Variants in PPP6R3 observed in about 807,000 individuals in gnomAD.
The protein encoded by PPP6R3 is protein phosphatase 6 regulatory subunit 3.
PPP6R3 carries 38 observed loss-of-function variants against 110.7 expected under a neutral mutation model. The observed-to-expected ratio is 0.34, with a 90% CI of 0.26 to 0.45. The LOEUF (loss-of-function observed/expected upper bound fraction) is 0.45, where lower values mean the gene tolerates loss of function less well. Among genes scored for constraint, PPP6R3 ranks in the 20% least tolerant of loss-of-function variants. The pLI, the probability that PPP6R3 is intolerant of heterozygous loss-of-function variation, is 1.00. For missense variants in PPP6R3, 870 were observed against 1,062.4 expected (o/e 0.82, Z 2.52); for synonymous variants, 369 against 373.5 (o/e 0.99, Z 0.14).
chr11:68,608,807 TA>T lies in PPP6R3; in HGVS notation c.2451-1096del, dbSNP rs1941805009. 2.0e-5 allele frequency among the ~76,000 whole-genome samples: 3 copies of T among 152,186 alleles called. No individual in the cohort carries two copies. The South Asian group carries it at 6.2e-4, about 31-fold the overall frequency. ...TAGCGACTCAGAATACACATTGTGT[TA>T]TGACTATTTTTTAAAGAATTAGAAT... On this transcript the variant is annotated intron_variant, in intron 22 of 23. Coordinates refer to ENST00000393800, the MANE Select transcript of PPP6R3 (RefSeq NM_001164161.2).
At chr11:68,475,784 G>A (rs1254816638) in intron 1 of PPP6R3, among the ~76,000 whole-genome samples, 7 of 151,834 alleles carry the variant, frequency 4.6e-5, no homozygotes, top group South Asian at 4.2e-4. Flanking sequence ...CTTCTCAGAC[G>A]GGGTGGCTGC....
At chr11:68,568,212 G>C (rs1293120551) in intron 10 of PPP6R3, among the ~76,000 whole-genome samples, 3 of 152,192 alleles carry the variant, frequency 2.0e-5, no homozygotes, top group African/African-American at 7.2e-5. Context: ...AGCTAGCATG[G>C]TCATTGCCTT....
chr11:68,470,234 G>T (rs1162692230), intron 1 of PPP6R3, among the ~76,000 whole-genome samples: 1 of 152,218 alleles, frequency 6.6e-6, no homozygotes, highest in African/African-American at 2.4e-5. Context: ...CAGGAGAGGT[G>T]GGGTGTGGGG....
chr11:68,518,881 T>TA (rs1446260078), intron 1 of PPP6R3, among the ~76,000 whole-genome samples: 2 of 152,230 alleles, frequency 1.3e-5, no homozygotes. Flanking sequence ...CTTCACTACT[T>TA]AGAGGAATTC....
chr11:68,606,442 A>G (rs1939948193), intron 22 of PPP6R3, among the ~76,000 whole-genome samples: 3 of 150,476 alleles, frequency 2.0e-5, no homozygotes. Flanking sequence ...GACTAGGACT[A>G]CAGGCACACG....
chr11:68,573,112 TTTTATA>T lies in PPP6R3; in HGVS notation c.1344-995_1344-990del, dbSNP rs1357069088. On this transcript the variant is annotated intron_variant, in intron 12 of 23. Coordinates refer to ENST00000393800, the MANE Select transcript of PPP6R3 (RefSeq NM_001164161.2). ...AATCAGATTAATATGAGTTTACTTA[TTTTATA>T]TATATATATATATATATATATATAT... 9.5e-3 allele frequency among the ~76,000 whole-genome samples: 363 copies of T among 38,076 alleles called. 5 individuals carry two copies. Among genetic ancestry groups the T allele is most frequent in the African/African-American group, 0.035 (340 of 9,758 alleles). 25.0% of individuals were successfully genotyped at this position (38,076 alleles called of 152,430 possible). A position where few individuals can be genotyped will look rare whatever the true frequency, so the allele number is the denominator to read the frequency against.
intron 1 of PPP6R3, among the ~76,000 whole-genome samples, chr11:68,489,739 C>T (rs1185808510): frequency 2.0e-5 from 3 of 151,224 alleles, no homozygotes; most frequent in South Asian, 4.2e-4. Flanking sequence ...AATGGTATTG[C>T]ACACTTAATA....
intron 1 of PPP6R3, among the ~76,000 whole-genome samples, chr11:68,461,229 G>A (rs2098703620): frequency 6.6e-6 from 1 of 151,632 alleles, no homozygotes; most frequent in South Asian, 2.1e-4. Flanking sequence ...CCCGGTCTCC[G>A]CTCCCGCTGG....
At chr11:68,590,816 C>T (rs890549039) in intron 17 of PPP6R3, 102 bp downstream of exon 17, 2 of 1,304,484 alleles carry the variant, frequency 1.5e-6, no homozygotes, top group African/African-American at 1.5e-5. Context: ...TGCTCTAGAG[C>T]CCTAATCCTA....
intron 1 of PPP6R3, among the ~76,000 whole-genome samples, chr11:68,504,865 C>G (rs531651984): frequency 2.0e-5 from 3 of 152,098 alleles, no homozygotes; most frequent in Admixed American, 6.6e-5. Context: ...TGGACTAAAG[C>G]AAAAATGAAA....
intron 1 of PPP6R3, among the ~76,000 whole-genome samples, chr11:68,493,056 T>C (rs1278894978): frequency 6.6e-6 from 1 of 152,176 alleles, no homozygotes; most frequent in Non-Finnish European, 1.5e-5. Flanking sequence ...ATGATGCTCA[T>C]ACCTACTTCT....
intron 19 of PPP6R3, among the ~76,000 whole-genome samples, chr11:68,597,872 C>T (rs895592718): frequency 4.6e-5 from 7 of 151,376 alleles, no homozygotes; most frequent in Non-Finnish European, 7.4e-5. Context: ...CCCAGCTACT[C>T]GGGAGGCTGA....
At chr11:68,612,717 C>T (rs930046609) in intron 23 of PPP6R3, among the ~76,000 whole-genome samples, 9 of 151,884 alleles carry the variant, frequency 5.9e-5, no homozygotes, top group South Asian at 2.1e-4. Flanking sequence ...CTTGAAGGAG[C>T]GGTGAACACA....
intron 1 of PPP6R3, among the ~76,000 whole-genome samples, chr11:68,471,653 T>G (rs1304498991): frequency 6.6e-6 from 1 of 152,034 alleles, no homozygotes; most frequent in Non-Finnish European, 1.5e-5. Context: ...TTTGCCACAG[T>G]GATGAAGGGA....
At chr11:68,479,894 A>G (rs574057514) in intron 1 of PPP6R3, among the ~76,000 whole-genome samples, 5 of 152,064 alleles carry the variant, frequency 3.3e-5, no homozygotes, top group South Asian at 2.1e-4. Context: ...GCAAGCCACC[A>G]CACCTGGCTA....
At chr11:68,597,267 G>T (rs191487750) in intron 19 of PPP6R3, among the ~76,000 whole-genome samples, 172 of 152,256 alleles carry the variant, frequency 1.1e-3, no homozygotes, top group African/African-American at 3.7e-3. Flanking sequence ...GAGGCAGGTG[G>T]GTATGAGGCT....
chr11:68,519,784 T>C, intron 2 of PPP6R3, 133 bp downstream of exon 2: 1 of 392,070 alleles, frequency 2.6e-6, no homozygotes, highest in African/African-American at 2.1e-5. Flanking sequence ...ACAATATGAT[T>C]CTGTGGTACT....
chr11:68,549,875 C>T (rs1362090945), intron 5 of PPP6R3, among the ~76,000 whole-genome samples: 3 of 152,086 alleles, frequency 2.0e-5, no homozygotes, highest in South Asian at 2.1e-4. Flanking sequence ...GATCCACAGT[C>T]GGAGATGACT....
chr11:68,571,725 A>C (rs2099508367), intron 12 of PPP6R3, among the ~76,000 whole-genome samples: 1 of 152,180 alleles, frequency 6.6e-6, no homozygotes, highest in African/African-American at 2.4e-5. Context: ...TGGTGGCATA[A>C]GGGCGTGTTT....
Sources: gnomAD v4.1 joint callset for allele counts (sites outside exome capture counted in the v4.1 genomes callset) on GRCh38, gnomAD v4.1.1 for gene constraint, MANE v1.5 for transcripts, NCBI Gene and HGNC (gene_info 2026-07-23, HGNC 2026-07-21) for gene names.